The following HLTF variants were observed in gnomAD, a reference collection of about 807,000 sequenced individuals.
HLTF encodes the protein DNA-dependent ATPase/E3 ubiquitin-protein ligase HLTF.
Under a neutral mutation model 129.4 loss-of-function variants are expected in HLTF, and 127 were observed. That is an observed-to-expected ratio of 0.98 (90% CI 0.85 to 1.14). The LOEUF is 1.14. HLTF is among the 50% of genes most tolerant of loss of function. The pLI is 0.00. For missense variants in HLTF, 1,139 were observed against 1,187.1 expected (o/e 0.96, Z 0.60); for synonymous variants, 332 against 388.8 (o/e 0.85, Z 1.72).
rs1347081968 is a variant in HLTF at position 149,042,214 on chromosome 3, A to G, written c.2149T>C (p.Cys717Arg). Residue 717 changes from cysteine (C) to arginine (R), a missense_variant, in exon 19 of 25, where the codon TGC (cysteine) becomes CGC (arginine). Coordinates refer to ENST00000310053, the MANE Select transcript of HLTF (RefSeq NM_003071.4). ...GLLLRLRQIC[C>R]HTYLLTNAVS... is the part of the protein sequence containing the mutation. Reference sequence around the variant, plus strand: ...GCATTTGTAAGAAGGTAAGTATGGCAACAAATTTGCCGCAGTCTAAGCAAA... The same window carrying G: ...GCATTTGTAAGAAGGTAAGTATGGCGACAAATTTGCCGCAGTCTAAGCAAA... 6.2e-7 allele frequency: 1 copy of G among 1,613,354 alleles called. No individual in the cohort carries two copies. Among genetic ancestry groups the G allele is most frequent in the Non-Finnish European group, 8.5e-7 (1 of 1,179,368 alleles).
chr3:149,082,519 A>G (rs1401751215), intron 2 of HLTF, among the ~76,000 whole-genome samples: 1 of 152,160 alleles, frequency 6.6e-6, no homozygotes, highest in East Asian at 1.9e-4. Flanking sequence ...AGGAACAGGG[A>G]AAAATGAATG....
At chr3:149,057,426 AAAACAAAC>A (rs538092577) in intron 13 of HLTF, among the ~76,000 whole-genome samples, 2 of 152,020 alleles carry the variant, frequency 1.3e-5, no homozygotes, top group African/African-American at 2.4e-5. Flanking sequence ...ACTCCGTCTC[AAAACAAAC>A]AAACAAACAA....
chr3:149,071,244 A>T lies in HLTF; in HGVS notation c.894+8T>A, dbSNP rs776084139. ...TAGATTTTATTAACTAAAGAAAAAA[A>T]TAATTACCAAACCCATATCATCAGC... is the stretch of plus-strand genomic sequence containing the variant. On this transcript the variant is annotated splice_region_variant and intron_variant, in intron 7 of 24. Transcript: ENST00000310053. The T allele has an allele frequency of 1.3e-6, 2 of 1,505,096 alleles. No individual in the cohort carries two copies. The highest frequency in any genetic ancestry group is 1.4e-5 in the African/African-American group (1 of 70,988). 93.2% of individuals were successfully genotyped at this position (1,505,096 alleles called of 1,614,324 possible).
At chr3:149,067,890 C>A (rs774401590) in intron 8 of HLTF, among the ~76,000 whole-genome samples, 1 of 152,026 alleles carries the variant, frequency 6.6e-6, no homozygotes, top group African/African-American at 2.4e-5. Flanking sequence ...ACACCTATAG[C>A]CCCAGCACTT....
Position 149,073,207 on chromosome 3 carries a change from A to C in HLTF, c.627+18T>G. On this transcript the variant is annotated intron_variant, in intron 5 of 24. Transcript: ENST00000310053. ...TTTAAAATTCACTTTTAGATTACAA[A>C]ATAAAAGAGAAGCACACCTGTTCAG... The C allele has an allele frequency of 6.6e-7, 1 of 1,524,234 alleles. No homozygotes were observed. The allele number at this position is 1,524,234 out of a possible 1,614,324, so 94.4% of individuals were successfully genotyped here. A position where few individuals can be genotyped will look rare whatever the true frequency, so the allele number is the denominator to read the frequency against.
intron 13 of HLTF, among the ~76,000 whole-genome samples, chr3:149,057,244 G>T (rs191421242): frequency 6.3e-4 from 95 of 151,400 alleles, no homozygotes; most frequent in African/African-American, 2.3e-3. Flanking sequence ...TGGCTAACAT[G>T]GTGAAACCCG....
intron 23 of HLTF, among the ~76,000 whole-genome samples, chr3:149,037,593 G>A (rs1715762933): frequency 1.3e-5 from 2 of 152,140 alleles, no homozygotes; most frequent in Non-Finnish European, 1.5e-5. Context: ...GTCAGTTGAG[G>A]GAGGAAAAAG....
At chr3:149,065,358 T>C (rs1057277690) in intron 8 of HLTF, among the ~76,000 whole-genome samples, 5 of 152,172 alleles carry the variant, frequency 3.3e-5, no homozygotes, top group African/African-American at 1.2e-4. Flanking sequence ...CATGGGGTAT[T>C]TTCCTGCTAG....
At chr3:149,066,324 G>A (rs1483971527) in intron 8 of HLTF, among the ~76,000 whole-genome samples, 1 of 152,064 alleles carries the variant, frequency 6.6e-6, no homozygotes, top group Non-Finnish European at 1.5e-5. Flanking sequence ...GGGATTACAG[G>A]AATGAGTCAC....
At chr3:149,036,572 AG>A in intron 23 of HLTF, among the ~76,000 whole-genome samples, 1 of 152,180 alleles carries the variant, frequency 6.6e-6, no homozygotes, top group African/African-American at 2.4e-5. Context: ...TACAGGCATG[AG>A]CCTCCGCGCC....
chr3:149,064,810 C>G lies in HLTF; in HGVS notation c.1047G>C (p.Lys349Asn). 1 of 1,594,626 alleles carries G rather than the reference C, an allele frequency of 6.3e-7. No homozygotes were observed. The highest frequency in any genetic ancestry group is 1.7e-4 in the Middle Eastern group (1 of 6,034). The change falls in exon 9 of 25, where the codon AAG (lysine) becomes AAC (asparagine). Residue 349 changes from lysine to asparagine, a missense_variant. Transcript: ENST00000310053. ...MKLGGNNTSEKADGLSKDASR... is the reference protein window; with the variant it reads ...MKLGGNNTSENADGLSKDASR... ...ATTTACCTTTGCTTAGTCCATCTGC[C>G]TTTTCACTGGTATTGTTTCCTCCAA...
intron 2 of HLTF, chr3:149,083,836 T>A (rs1333166686): frequency 6.6e-6 from 1 of 151,708 alleles, no homozygotes; most frequent in African/African-American, 2.4e-5. Flanking sequence ...GGAGAATTGC[T>A]TGAGTCTGGG....
intron 12 of HLTF, among the ~76,000 whole-genome samples, chr3:149,060,411 T>C (rs750029419): frequency 5.3e-5 from 8 of 152,184 alleles, no homozygotes; most frequent in Non-Finnish European, 1.2e-4. Context: ...GTTTTAAGTA[T>C]AGTTTAAATA....
At position 149,034,877 on chromosome 3, in the gene HLTF, C is replaced by T. The variant is rs1715435953; in HGVS notation, c.2877+41G>A. The T allele has an allele frequency of 5.3e-6, 7 of 1,310,924 alleles. No homozygotes were observed. In the East Asian group the frequency reaches 6.9e-5, roughly 13 times the overall value. 81.2% of individuals were successfully genotyped at this position (1,310,924 alleles called of 1,614,324 possible). On this transcript the variant is annotated intron_variant, in intron 24 of 24. Transcript: ENST00000310053. ...GCATTACTTGCTTAATTGTAAAAAT[C>T]GTATCAACCTAGTCTTAAAATAGTT...
intron 2 of HLTF, among the ~76,000 whole-genome samples, chr3:149,078,713 C>T (rs532843787): frequency 6.6e-6 from 1 of 151,948 alleles, no homozygotes; most frequent in Admixed American, 6.6e-5. Flanking sequence ...AAAAATTAGC[C>T]GGGCGAGGTG....
At chr3:149,067,980 G>A (rs990282209) in intron 8 of HLTF, among the ~76,000 whole-genome samples, 5 of 152,062 alleles carry the variant, frequency 3.3e-5, no homozygotes, top group African/African-American at 1.2e-4. Flanking sequence ...CCCACGACTT[G>A]AGCCTGGGAA....
chr3:149,075,920 A>G lies in HLTF; in HGVS notation c.356T>C (p.Leu119Ser). ...CAATTTGTTGTCCATGATATAGGCCAAAGCACCTGCAAGCTCTTTCTTTAA... is the reference window on the plus strand; with the variant it reads ...CAATTTGTTGTCCATGATATAGGCCGAAGCACCTGCAAGCTCTTTCTTTAA... ...GHLKKELAGALAYIMDNKLAQ... is the reference protein window; with the variant it reads ...GHLKKELAGASAYIMDNKLAQ... The change falls in exon 3 of 25, where the codon TTG (leucine) becomes TCG (serine). Residue 119 changes from leucine (L) to serine (S), a missense_variant. Coordinates refer to ENST00000310053, the MANE Select transcript of HLTF (RefSeq NM_003071.4). 6.2e-7 allele frequency: 1 copy of G among 1,609,078 alleles called. No individual in the cohort carries two copies. The highest frequency in any genetic ancestry group is 8.5e-7 in the Non-Finnish European group (1 of 1,176,732).
chr3:149,053,685 T>A (rs1717180858), intron 14 of HLTF, among the ~76,000 whole-genome samples: 1 of 152,334 alleles, frequency 6.6e-6, no homozygotes, highest in East Asian at 1.9e-4. Context: ...AGAGTGTGCA[T>A]GATCTCACTT....
intron 8 of HLTF, among the ~76,000 whole-genome samples, chr3:149,066,276 C>T (rs1223118499): frequency 6.6e-6 from 1 of 152,064 alleles, no homozygotes; most frequent in African/African-American, 2.4e-5. Context: ...GAACTCCTAA[C>T]CTCAGGTGAT....
Sources: gnomAD v4.1 joint callset for allele counts (sites outside exome capture counted in the v4.1 genomes callset) on GRCh38, gnomAD v4.1.1 for gene constraint, MANE v1.5 for transcripts, NCBI Gene and HGNC (gene_info 2026-07-23, HGNC 2026-07-21) for gene names.